SPRR1A: variants seen among roughly 807,000 people sequenced by gnomAD.
SPRR1A encodes the protein small proline rich protein 1A.
For missense variants in SPRR1A, 123 were observed against 105.4 expected (o/e 1.17, Z -0.73); for synonymous variants, 40 against 39.2 (o/e 1.02, Z -0.07).
chr1:152,985,198 C>T (rs1453190935), upstream of SPRR1A: 1 of 1,563,578 alleles, frequency 6.4e-7, no homozygotes. Flanking sequence ...ACTGTGTCAG[C>T]TTTCTGTCTC....
chr1:152,984,141 C>T (rs1349264893), upstream of SPRR1A, among the ~76,000 whole-genome samples: 2 of 152,154 alleles, frequency 1.3e-5, no homozygotes, highest in Non-Finnish European at 2.9e-5. Context: ...TCTCTGATTG[C>T]AACAAACTGG....
chr1:152,985,651 G>T, downstream of SPRR1A: 1 of 1,369,732 alleles, frequency 7.3e-7, no homozygotes, highest in Non-Finnish European at 9.8e-7. Context: ...CTAAAAAGAT[G>T]TCCCTTACCC....
downstream of SPRR1A, among the ~76,000 whole-genome samples, chr1:152,985,689 C>T (rs1611768): frequency 0.019 from 2,934 of 152,296 alleles, 47 homozygotes; most frequent in Middle Eastern, 0.044. Context: ...TGAGCCTCTG[C>T]GTAAGGCTGA....
At chr1:152,984,537 C>T (rs1652250510), upstream of SPRR1A, among the ~76,000 whole-genome samples, 1 of 152,076 alleles carries the variant, frequency 6.6e-6, no homozygotes, top group African/African-American at 2.4e-5. Flanking sequence ...CAAATCAATG[C>T]CTAACGTACT....
At chr1:152,985,734 C>T (rs1367202814), downstream of SPRR1A, among the ~76,000 whole-genome samples, 5 of 152,160 alleles carry the variant, frequency 3.3e-5, no homozygotes, top group African/African-American at 4.8e-5. Flanking sequence ...TCTTGTTGCT[C>T]GGGTGCATTT....
chr1:152,985,706 CACTG>C (rs1240511472), downstream of SPRR1A, among the ~76,000 whole-genome samples: 3 of 152,220 alleles, frequency 2.0e-5, no homozygotes, highest in Admixed American at 2.0e-4. Context: ...CTGAACGTCT[CACTG>C]ACTGAGCTAG....
At chr1:152,985,246 C>A in exon 1 of SPRR1A, 2 of 1,609,070 alleles carry the variant, frequency 1.2e-6, no homozygotes, top group Non-Finnish European at 1.7e-6. Context: ...TTCTCAGCAG[C>A]AGAAGCAGCC....
chr1:152,985,267 C>A lies in SPRR1A; in HGVS notation c.37C>A (p.Pro13Thr), dbSNP rs145535459. Reference sequence around the variant, plus strand: ...GCAGCAGAAGCAGCCTTGCACCCCACCCCCTCAGCCTCAGCAGCAGCAGGT... The same window carrying A: ...GCAGCAGAAGCAGCCTTGCACCCCAACCCCTCAGCCTCAGCAGCAGCAGGT... The change falls in exon 1 of 1, where the codon CCC becomes ACC. Residue 13 changes from proline to threonine, a missense_variant. Pro to Thr is a conservative substitution (Grantham distance 38). Transcript: ENST00000368762. 170 of 1,613,456 alleles carry A rather than the reference C, an allele frequency of 1.1e-4. No individual in the cohort carries two copies. Among genetic ancestry groups the A allele is most frequent in the Non-Finnish European group, 1.3e-4 (157 of 1,179,798 alleles).
exon 1 of SPRR1A, chr1:152,985,439 C>T (rs1234198762): frequency 6.2e-7 from 1 of 1,613,224 alleles, no homozygotes; most frequent in Non-Finnish European, 8.5e-7. Flanking sequence ...CCCAAGGTGC[C>T]TGAGCCCTGC....
At chr1:152,985,285 C>A (rs1224448982) in exon 1 of SPRR1A, 1 of 1,613,788 alleles carries the variant, frequency 6.2e-7, no homozygotes, top group Non-Finnish European at 8.5e-7. Flanking sequence ...GCCTCAGCAG[C>A]AGCAGGTGAA....
chr1:152,985,094 G>A (rs925048196), upstream of SPRR1A: 10 of 1,209,540 alleles, frequency 8.3e-6, no homozygotes, highest in Admixed American at 5.4e-5. Context: ...TGTAATGGGG[G>A]AGTTAAGGGA....
At chr1:152,984,769 C>CTG (rs1652255223), upstream of SPRR1A, among the ~76,000 whole-genome samples, 1 of 151,986 alleles carries the variant, frequency 6.6e-6, no homozygotes. Flanking sequence ...TTGGAAGGGA[C>CTG]TGTGTAAGCA....
At chr1:152,984,758 T>A (rs1443751748), upstream of SPRR1A, among the ~76,000 whole-genome samples, 1 of 151,768 alleles carries the variant, frequency 6.6e-6, no homozygotes, top group Non-Finnish European at 1.5e-5. Context: ...AAGAAAAGCA[T>A]TTGGAAGGGA....
At chr1:152,985,163 G>T (rs1652267296), upstream of SPRR1A, 10 of 1,530,876 alleles carry the variant, frequency 6.5e-6, no homozygotes, top group South Asian at 1.2e-4. Flanking sequence ...CATTGAATTT[G>T]TATCCATCTT....
At position 152,985,389 on chromosome 1, in the gene SPRR1A, G is replaced by C. The variant is rs373551317; in HGVS notation, c.159G>C (p.Val53=). Residue 53 remains valine (V), a synonymous_variant, in exon 1 of 1, where the codon GTG becomes GTC. Coordinates refer to ENST00000368762, the Ensembl canonical transcript of SPRR1A. ...TGCCTGAGCCCTGCCACCCCAAAGT[G>C]CCTGAGCCCTGCCAGCCCAAGGTTC... 2.6e-6 allele frequency: 4 copies of C among 1,566,284 alleles called. No individual in the cohort carries two copies. The African/African-American group carries it at 4.3e-5, about 17-fold the overall frequency.
exon 1 of SPRR1A, chr1:152,985,437 G>A: frequency 5.0e-6 from 8 of 1,613,034 alleles, no homozygotes; most frequent in Non-Finnish European, 6.8e-6. Flanking sequence ...AGCCCAAGGT[G>A]CCTGAGCCCT....
upstream of SPRR1A, chr1:152,985,224 T>C: frequency 6.3e-7 from 1 of 1,596,426 alleles, no homozygotes; most frequent in Non-Finnish European, 8.5e-7. Context: ...AAAAACACAT[T>C]TGAAGCATGA....
At chr1:152,985,463 C>G in exon 1 of SPRR1A, 1 of 1,613,874 alleles carries the variant, frequency 6.2e-7, no homozygotes, top group Non-Finnish European at 8.5e-7. Context: ...TCAACGGTCA[C>G]TCCAGCACCA....
Position 152,985,458 on chromosome 1 carries a change from G to A in SPRR1A, c.228G>A (p.Thr76=), listed in dbSNP as rs142988555. The A allele has an allele frequency of 3.6e-5, 58 of 1,613,778 alleles. No individual in the cohort carries two copies. In the East Asian group the frequency reaches 5.4e-4, roughly 15 times the overall value. The change falls in exon 1 of 1, where the codon ACG becomes ACA. Residue 76 remains threonine (T), a synonymous_variant. Coordinates refer to ENST00000368762, the Ensembl canonical transcript of SPRR1A. ...AGGTGCCTGAGCCCTGCCCTTCAAC[G>A]GTCACTCCAGCACCAGCCCAGCAGA...
Sources: gnomAD v4.1 joint callset for allele counts (sites outside exome capture counted in the v4.1 genomes callset) on GRCh38, gnomAD v4.1.1 for gene constraint, MANE v1.5 for transcripts, NCBI Gene and HGNC (gene_info 2026-07-23, HGNC 2026-07-21) for gene names.